The following PRKN variants were observed in gnomAD, a reference collection of about 807,000 sequenced individuals.
The protein encoded by PRKN is parkin RBR E3 ubiquitin protein ligase.
In PRKN, 56 loss-of-function variants were observed where a neutral mutation model predicts 59.5. The observed-to-expected ratio is 0.94, with a 90% confidence interval of 0.76 to 1.18. The LOEUF (loss-of-function observed/expected upper bound fraction) is 1.18. PRKN is among the 50% of genes most tolerant of loss of function. The pLI is 0.00. For missense variants in PRKN, 657 were observed against 596.4 expected (o/e 1.10, Z -1.06); for synonymous variants, 250 against 222.1 (o/e 1.13, Z -1.12).
rs1695400930 is a variant in PRKN at position 161,487,673 on chromosome 6, T to C, written c.1083+61181A>G. Among the ~76,000 whole-genome samples, 1 of 152,192 alleles carries C rather than the reference T, an allele frequency of 6.6e-6. No homozygotes were observed. The highest frequency in any genetic ancestry group is 2.4e-5 in the African/African-American group (1 of 41,446). On this transcript the variant is annotated intron_variant, in intron 9 of 11. Transcript: ENST00000366898. The surrounding 1 kb of genome is among the most constrained non-coding windows in gnomAD (Gnocchi z 5.3). ...ACTGATATGATAATATGTGTATTCATGTAGGAGGTAGGGGTTGTGCCTTCT... is the reference window on the plus strand; with the variant it reads ...ACTGATATGATAATATGTGTATTCACGTAGGAGGTAGGGGTTGTGCCTTCT...
At chr6:161,655,595 G>A (rs903772530) in intron 7 of PRKN, among the ~76,000 whole-genome samples, 10 of 152,204 alleles carry the variant, frequency 6.6e-5, no homozygotes, top group Non-Finnish European at 2.9e-5. Context: ...TTGCCAAACC[G>A]AGAGAGAAAG....
At chr6:161,580,679 G>A (rs1213494223) in intron 7 of PRKN, among the ~76,000 whole-genome samples, 5 of 151,728 alleles carry the variant, frequency 3.3e-5, no homozygotes, top group East Asian at 2.0e-4. Context: ...GGATTTCACC[G>A]TGTTAGGACA....
At chr6:161,829,187 T>C (rs1792372388) in intron 6 of PRKN, among the ~76,000 whole-genome samples, 1 of 152,058 alleles carries the variant, frequency 6.6e-6, no homozygotes, top group East Asian at 1.9e-4. Context: ...GATCACACGA[T>C]TGCACTCCAG....
chr6:162,675,403 A>G lies in PRKN; in HGVS notation c.7+52259T>C, dbSNP rs183583408. Among the ~76,000 whole-genome samples, 31 of 152,246 alleles carry G rather than the reference A, an allele frequency of 2.0e-4. No homozygotes were observed. The East Asian group carries it at 5.8e-3, about 29-fold the overall frequency. On this transcript the variant is annotated intron_variant, in intron 1 of 11. Transcript: ENST00000366898. Reference sequence around the variant, plus strand: ...CTCTGGAAAACAAGGAGGTGATGATATTCAACAGAAAGATGGAACTAAGAC... The same window carrying G: ...CTCTGGAAAACAAGGAGGTGATGATGTTCAACAGAAAGATGGAACTAAGAC...
At position 161,402,240 on chromosome 6, in the gene PRKN, A is replaced by C. The variant is rs1787083800; in HGVS notation, c.1084-15363T>G. On this transcript the variant is annotated intron_variant, in intron 9 of 11. Coordinates refer to ENST00000366898, the MANE Select transcript of PRKN (RefSeq NM_004562.3). The surrounding 1 kb of genome is among the most constrained non-coding windows in gnomAD (Gnocchi z 4.5). ...GACCTGAAAAATGCTATCTCCCAGC[A>C]ACATGCACACCTTGCAGTGTCTTAT... Among the ~76,000 whole-genome samples the C allele has an allele frequency of 1.3e-5, 2 of 152,212 alleles. No homozygotes were observed. The highest frequency in any genetic ancestry group is 4.1e-4 in the South Asian group (2 of 4,832).
intron 4 of PRKN, among the ~76,000 whole-genome samples, chr6:162,071,864 T>C (rs1363993467): frequency 6.6e-6 from 1 of 152,098 alleles, no homozygotes; most frequent in East Asian, 1.9e-4. Flanking sequence ...CCCAAAGTAC[T>C]AGGATTACAG....
intron 3 of PRKN, among the ~76,000 whole-genome samples, chr6:162,208,922 C>T (rs1012492636): frequency 6.6e-6 from 1 of 152,094 alleles, no homozygotes; most frequent in African/African-American, 2.4e-5. Context: ...TGGATCCCTT[C>T]CTTACACCTT....
chr6:161,627,110 C>T (rs540492876), intron 7 of PRKN, among the ~76,000 whole-genome samples: 2 of 152,332 alleles, frequency 1.3e-5, no homozygotes, highest in Admixed American at 1.3e-4. Flanking sequence ...CTCCTACACA[C>T]CACAATATGC....
At chr6:162,057,501 C>T (rs1487226248) in intron 4 of PRKN, among the ~76,000 whole-genome samples, 1 of 152,098 alleles carries the variant, frequency 6.6e-6, no homozygotes, top group East Asian at 1.9e-4. Context: ...ATAAAAGTTA[C>T]AAATGTATAG....
At chr6:162,155,730 T>A (rs1453827240) in intron 4 of PRKN, among the ~76,000 whole-genome samples, 1 of 152,058 alleles carries the variant, frequency 6.6e-6, no homozygotes, top group Non-Finnish European at 1.5e-5. Flanking sequence ...GGAGCCACTT[T>A]TGAAGTCCAT....
intron 6 of PRKN, among the ~76,000 whole-genome samples, chr6:161,886,060 G>A (rs1795137146): frequency 6.6e-6 from 1 of 152,172 alleles, no homozygotes; most frequent in Non-Finnish European, 1.5e-5. Context: ...TTCCTGCAAA[G>A]AAGCTGCGAA....
At chr6:161,622,155 T>C (rs1442456044) in intron 7 of PRKN, among the ~76,000 whole-genome samples, 2 of 152,018 alleles carry the variant, frequency 1.3e-5, no homozygotes, top group African/African-American at 4.8e-5. Flanking sequence ...TGTTTGCAGA[T>C]GGGGGGCTGC....
chr6:162,380,915 T>C (rs1313774432), intron 2 of PRKN, among the ~76,000 whole-genome samples: 1 of 152,068 alleles, frequency 6.6e-6, no homozygotes, highest in East Asian at 1.9e-4. Flanking sequence ...GCCTCCCTTT[T>C]TGAGAAGCTA....
At chr6:162,521,366 T>C (rs1163397297) in intron 1 of PRKN, among the ~76,000 whole-genome samples, 1 of 152,200 alleles carries the variant, frequency 6.6e-6, no homozygotes, top group Admixed American at 6.5e-5. Flanking sequence ...TTGTAAGTTA[T>C]GGCTGCATTT....
intron 6 of PRKN, among the ~76,000 whole-genome samples, chr6:161,937,242 CAG>C (rs1562402420): frequency 6.6e-6 from 1 of 152,230 alleles, no homozygotes; most frequent in African/African-American, 2.4e-5. Flanking sequence ...TGGATCTTGA[CAG>C]AGATTATGTT....
At chr6:162,693,361 G>T (rs7747631) in intron 1 of PRKN, among the ~76,000 whole-genome samples, 1 of 152,188 alleles carries the variant, frequency 6.6e-6, no homozygotes, top group Non-Finnish European at 1.5e-5. Flanking sequence ...TTATAAAGGT[G>T]TAAGAATCAA....
intron 10 of PRKN, among the ~76,000 whole-genome samples, chr6:161,374,460 G>A (rs1785571438): frequency 6.7e-6 from 1 of 148,678 alleles, no homozygotes; most frequent in African/African-American, 2.5e-5. Context: ...TGGTGCATAT[G>A]GGTGGTGTGT....
chr6:162,091,797 G>A (rs548532719), intron 4 of PRKN, among the ~76,000 whole-genome samples: 2 of 152,186 alleles, frequency 1.3e-5, no homozygotes, highest in Non-Finnish European at 2.9e-5. Context: ...AGCATGTTGG[G>A]AGGCTGAGGT....
At chr6:162,142,285 A>G (rs1038212554) in intron 4 of PRKN, among the ~76,000 whole-genome samples, 1 of 152,188 alleles carries the variant, frequency 6.6e-6, no homozygotes, top group African/African-American at 2.4e-5. Flanking sequence ...CTCATGCAGC[A>G]CAGATGGCAG....
Sources: gnomAD v4.1 joint callset for allele counts (sites outside exome capture counted in the v4.1 genomes callset) on GRCh38, gnomAD v4.1.1 for gene constraint, Gnocchi (gnomAD v3.1) non-coding constraint, MANE v1.5 for transcripts, NCBI Gene and HGNC (gene_info 2026-07-23, HGNC 2026-07-21) for gene names.